Variants in ADAMTS17 observed in about 807,000 individuals in gnomAD.
The protein encoded by ADAMTS17 is ADAM metallopeptidase with thrombospondin type 1 motif 17, also known as A disintegrin and metalloproteinase with thrombospondin motifs 17.
In ADAMTS17, 113 loss-of-function variants were observed where a neutral mutation model predicts 141.5. That is an observed-to-expected ratio of 0.80 (90% CI 0.69 to 0.93). The LOEUF (loss-of-function observed/expected upper bound fraction) is 0.93. Among genes scored for constraint, ADAMTS17 ranks in the 40% least tolerant of loss-of-function variants. The probability of loss-of-function intolerance (pLI) is 0.00; values close to 1 mark genes in which losing one functional copy is unlikely to be tolerated. For synonymous variants in ADAMTS17, 768 were observed against 630.6 expected, an observed-to-expected ratio of 1.22 and a Z score of -3.27; for missense variants, 1,659 against 1,517.9, an observed-to-expected ratio of 1.09 and a Z score of -1.54.
rs60742726 is a variant in ADAMTS17, at chr15:100,209,113, C to CAAAAAA, written c.1076-9696_1076-9691dup. ...TGCATGGAAATATTTGCCAAGTTAGCAAAAAAAAAAAAAAAAAAAAGGAAG... is the reference window on the plus strand; with the variant it reads ...TGCATGGAAATATTTGCCAAGTTAGCAAAAAAAAAAAAAAAAAAAAAAAAAAGGAAG... On this transcript the variant is annotated intron_variant, in intron 7 of 21. Coordinates refer to ENST00000268070, the MANE Select transcript of ADAMTS17 (RefSeq NM_139057.4). 2.0e-3 allele frequency among the ~76,000 whole-genome samples: 191 copies of CAAAAAA among 96,928 alleles called. 1 individual carries two copies. Among genetic ancestry groups the CAAAAAA allele is most frequent in the Non-Finnish European group, 2.5e-3 (130 of 52,096 alleles). 63.6% of individuals were successfully genotyped at this position (96,928 alleles called of 152,430 possible). A position where few individuals can be genotyped will look rare whatever the true frequency, so the allele number is the denominator to read the frequency against.
intron 7 of ADAMTS17, among the ~76,000 whole-genome samples, chr15:100,236,538 A>AAAAC (rs760089553): frequency 6.6e-5 from 10 of 152,076 alleles, no homozygotes; most frequent in African/African-American, 1.4e-4. Flanking sequence ...ATCTTTACAA[A>AAAAC]AAACAAACAA....
chr15:100,020,221 A>G (rs895589283), intron 18 of ADAMTS17, among the ~76,000 whole-genome samples: 1 of 152,174 alleles, frequency 6.6e-6, no homozygotes, highest in African/African-American at 2.4e-5. Context: ...CCTCCCCAGC[A>G]TTCCACCCCC....
intron 7 of ADAMTS17, among the ~76,000 whole-genome samples, chr15:100,226,731 G>C: frequency 6.6e-6 from 1 of 152,212 alleles, no homozygotes; most frequent in Non-Finnish European, 1.5e-5. Flanking sequence ...TGTGGATGCA[G>C]AGAAACCAAT....
At chr15:100,274,316 C>A (rs748374817) in intron 4 of ADAMTS17, among the ~76,000 whole-genome samples, 2 of 152,174 alleles carry the variant, frequency 1.3e-5, no homozygotes. Flanking sequence ...TCTCTCAGTT[C>A]TATCAATTTT....
intron 18 of ADAMTS17, among the ~76,000 whole-genome samples, chr15:99,999,272 C>G (rs151189890): frequency 1.3e-5 from 2 of 152,240 alleles, no homozygotes; most frequent in East Asian, 3.9e-4. Flanking sequence ...GCATCTATAA[C>G]AAATATACTA....
intron 21 of ADAMTS17, among the ~76,000 whole-genome samples, 161 bp from the exon 22 acceptor site, chr15:99,974,723 G>A (rs1443786763): frequency 6.6e-6 from 1 of 152,246 alleles, no homozygotes; most frequent in Admixed American, 6.5e-5. Flanking sequence ...CCAGGGCACT[G>A]GGGGTGCCAC....
At chr15:100,253,174 T>G (rs530643541) in intron 7 of ADAMTS17, among the ~76,000 whole-genome samples, 1 of 151,740 alleles carries the variant, frequency 6.6e-6, no homozygotes, top group Non-Finnish European at 1.5e-5. Context: ...AGCCTCCCGA[T>G]GAACAAAGGT....
chr15:100,236,939 G>T (rs1181679154), intron 7 of ADAMTS17, among the ~76,000 whole-genome samples: 1 of 152,040 alleles, frequency 6.6e-6, no homozygotes, highest in South Asian at 2.1e-4. Context: ...GGAACTCTAC[G>T]GCTGAATCCC....
At chr15:100,034,682 CCT>C (rs1420939776) in intron 18 of ADAMTS17, among the ~76,000 whole-genome samples, 1 of 152,186 alleles carries the variant, frequency 6.6e-6, no homozygotes, top group Non-Finnish European at 1.5e-5. Context: ...CCACTAAGTC[CCT>C]CTCGGAAAAT....
intron 10 of ADAMTS17, among the ~76,000 whole-genome samples, chr15:100,136,106 A>C (rs1342393425): frequency 6.6e-6 from 1 of 152,244 alleles, no homozygotes; most frequent in Non-Finnish European, 1.5e-5. Context: ...GTATGTGTTC[A>C]CCAAAGACAT....
chr15:100,155,949 T>G (rs1362531854), intron 8 of ADAMTS17, among the ~76,000 whole-genome samples: 1 of 152,000 alleles, frequency 6.6e-6, no homozygotes, highest in South Asian at 2.1e-4. Context: ...TTGCCCTCAC[T>G]GGGGTGAGCC....
At chr15:100,087,122 G>T (rs1015170038) in intron 15 of ADAMTS17, among the ~76,000 whole-genome samples, 12 of 152,040 alleles carry the variant, frequency 7.9e-5, no homozygotes, top group African/African-American at 2.9e-4. Context: ...AAACAGAGAA[G>T]AATCAAATAG....
chr15:100,143,371 T>G (rs566944063), intron 10 of ADAMTS17, among the ~76,000 whole-genome samples: 1 of 152,356 alleles, frequency 6.6e-6, no homozygotes, highest in African/African-American at 2.4e-5. Context: ...TCTTTTGCAG[T>G]GACTTTGCTG....
chr15:100,181,631 G>A (rs184060555), intron 8 of ADAMTS17, among the ~76,000 whole-genome samples: 28 of 152,212 alleles, frequency 1.8e-4, no homozygotes, highest in African/African-American at 5.3e-4. Context: ...GGCCTAGAAC[G>A]GGGGCCTTAT....
chr15:100,173,947 G>A (rs2040247851), intron 8 of ADAMTS17, among the ~76,000 whole-genome samples: 1 of 152,186 alleles, frequency 6.6e-6, no homozygotes, highest in Non-Finnish European at 1.5e-5. Flanking sequence ...AATAGCTCAG[G>A]CAGGACCAGA....
chr15:100,284,266 C>G (rs535239831), intron 3 of ADAMTS17, among the ~76,000 whole-genome samples: 87 of 152,282 alleles, frequency 5.7e-4, no homozygotes, highest in Non-Finnish European at 1.2e-3. Flanking sequence ...TAACACATAC[C>G]CAGAATACTG....
chr15:99,989,981 TAG>T (rs1289802436), intron 20 of ADAMTS17, among the ~76,000 whole-genome samples: 1 of 152,224 alleles, frequency 6.6e-6, no homozygotes, highest in Non-Finnish European at 1.5e-5. Context: ...GGCACACAAG[TAG>T]AGAGTCAGAG....
chr15:100,103,717 G>A (rs2141062542), intron 14 of ADAMTS17, among the ~76,000 whole-genome samples: 1 of 152,110 alleles, frequency 6.6e-6, no homozygotes, highest in African/African-American at 2.4e-5. Context: ...CTGGAATTAT[G>A]GGCATGCACT....
At chr15:100,078,538 C>G (rs968570519) in intron 15 of ADAMTS17, among the ~76,000 whole-genome samples, 9 of 149,630 alleles carry the variant, frequency 6.0e-5, no homozygotes, top group African/African-American at 1.8e-4. Flanking sequence ...AAGTTGTACA[C>G]CTATTTCAGA....
Sources: allele counts gnomAD v4.1 joint callset (sites outside exome capture counted in the v4.1 genomes callset), GRCh38; gene constraint gnomAD v4.1.1; transcripts MANE v1.5; gene names NCBI Gene and HGNC (gene_info 2026-07-23, HGNC 2026-07-21).